The following ASAP1 variants were observed in gnomAD, a reference collection of about 807,000 sequenced individuals.
ASAP1 encodes ArfGAP with SH3 domain, ankyrin repeat and PH domain 1.
A neutral mutation model predicts 145.2 loss-of-function variants in ASAP1; 43 were observed. The ratio of observed to expected loss-of-function variants is 0.30; its 90% confidence interval spans 0.23 to 0.38. ASAP1 has a LOEUF of 0.38. Among genes scored for constraint, ASAP1 ranks in the 10% least tolerant of loss-of-function variants. The pLI, the probability that ASAP1 is intolerant of heterozygous loss-of-function variation, is 1.00. For missense variants in ASAP1, 1,018 were observed against 1,355.3 expected (o/e 0.75, Z 3.91); for synonymous variants, 546 against 515.5 (o/e 1.06, Z -0.80).
intron 11 of ASAP1, among the ~76,000 whole-genome samples, chr8:130,160,261 G>GT (rs1273556563): frequency 6.6e-6 from 1 of 152,182 alleles, no homozygotes; most frequent in African/African-American, 2.4e-5. Context: ...ACAGACTACT[G>GT]TAAGACTGAA....
In ASAP1 at chr8:130,060,843, T is replaced by C. The variant is rs1300763843; in HGVS notation, c.2928A>G (p.Gln976=). ...PQLGDLPPKP[Q]LSDLPPKPQM... is the part of the protein sequence containing the mutation. ...GTGGTTTGGGAGGTAAGTCTGAGAGTTGGGGTTTGGGTGGCAGGTCCCCCA... is the reference window on the plus strand; with the variant it reads ...GTGGTTTGGGAGGTAAGTCTGAGAGCTGGGGTTTGGGTGGCAGGTCCCCCA... Residue 976 remains glutamine (Q), a synonymous_variant, in exon 28 of 30, where the codon CAA becomes CAG. Coordinates refer to ENST00000518721, the MANE Select transcript of ASAP1 (RefSeq NM_018482.4). The C allele has an allele frequency of 1.2e-6, 2 of 1,612,324 alleles. No homozygotes were observed. The highest frequency in any genetic ancestry group is 2.2e-5 in the East Asian group (1 of 44,782).
intron 3 of ASAP1, among the ~76,000 whole-genome samples, chr8:130,334,485 G>A (rs181152722): frequency 1.3e-5 from 2 of 152,300 alleles, no homozygotes; most frequent in East Asian, 3.9e-4. Flanking sequence ...ACCACAGGAT[G>A]AGTAACCAAA....
chr8:130,256,752 T>TATCC (rs1554860174), intron 3 of ASAP1, among the ~76,000 whole-genome samples: 1 of 41,890 alleles, frequency 2.4e-5, no homozygotes, highest in Non-Finnish European at 5.0e-5. Context: ...TATATATATA[T>TATCC]ATATATATAT....
intron 11 of ASAP1, among the ~76,000 whole-genome samples, chr8:130,167,272 G>A (rs2097681831): frequency 5.3e-5 from 8 of 151,548 alleles, no homozygotes; most frequent in Admixed American, 5.3e-4. Context: ...CTCTAGCCTG[G>A]GTGACAGAGT....
At chr8:130,101,732 A>ATTGTTTTTTTTTTTTTTTTTTTTTT (rs2097529096) in intron 24 of ASAP1, among the ~76,000 whole-genome samples, 1 of 86,968 alleles carries the variant, frequency 1.1e-5, no homozygotes, top group African/African-American at 5.5e-5. Flanking sequence ...CACCTGGTTA[A>ATTGTTTTTTTTTTTTTTTTTTTTTT]TTTTTTTTTT....
intron 13 of ASAP1, among the ~76,000 whole-genome samples, chr8:130,146,774 A>G (rs2097631938): frequency 6.6e-6 from 1 of 152,202 alleles, no homozygotes; most frequent in Admixed American, 6.5e-5. Flanking sequence ...AAGGAAAGGG[A>G]GAAGAGACAC....
intron 25 of ASAP1, among the ~76,000 whole-genome samples, chr8:130,086,187 C>T (rs1042280056): frequency 6.6e-6 from 1 of 152,182 alleles, no homozygotes; most frequent in East Asian, 1.9e-4. Context: ...CAGAGTGGTG[C>T]GTGGAGAGGG....
chr8:130,127,049 G>A (rs902194760), intron 16 of ASAP1, among the ~76,000 whole-genome samples: 5 of 152,122 alleles, frequency 3.3e-5, no homozygotes, highest in Admixed American at 6.6e-5. Context: ...TCAGTACAGC[G>A]GGAACACTCA....
intron 15 of ASAP1, among the ~76,000 whole-genome samples, chr8:130,129,265 C>T (rs912779943): frequency 6.6e-6 from 1 of 152,158 alleles, no homozygotes; most frequent in East Asian, 1.9e-4. Flanking sequence ...TTCCTTATAG[C>T]AGTGTGAGAA....
intron 3 of ASAP1, among the ~76,000 whole-genome samples, chr8:130,311,218 G>T (rs1020826897): frequency 6.6e-6 from 1 of 152,130 alleles, no homozygotes; most frequent in African/African-American, 2.4e-5. Context: ...TGGAATCATG[G>T]GTCATTTTAA....
chr8:130,358,809 AC>A lies in ASAP1; in HGVS notation c.60-667del, dbSNP rs887374771. 4.7e-5 allele frequency among the ~76,000 whole-genome samples: 7 copies of A among 147,548 alleles called. No homozygotes were observed. The highest frequency in any genetic ancestry group is 1.8e-4 in the African/African-American group (7 of 39,698). On this transcript the variant is annotated intron_variant, in intron 2 of 29. Coordinates refer to ENST00000518721, the MANE Select transcript of ASAP1 (RefSeq NM_018482.4). The surrounding 1 kb of genome is among the most constrained non-coding windows in gnomAD (Gnocchi z 4.1). ...CCTGGCTCCGAAGCTGCCGCTCCCG[AC>A]CCCGGCTGCGCGGCACGGGGGCTCC...
At chr8:130,099,577 T>G (rs1037555959) in intron 24 of ASAP1, among the ~76,000 whole-genome samples, 4 of 152,098 alleles carry the variant, frequency 2.6e-5, no homozygotes, top group Non-Finnish European at 5.9e-5. Context: ...AGCTCCCACA[T>G]GAGTGAGAAC....
At chr8:130,072,824 T>TGTGTGCACGCGCGCGC in intron 27 of ASAP1, among the ~76,000 whole-genome samples, 2 of 32,276 alleles carry the variant, frequency 6.2e-5, no homozygotes, top group South Asian at 1.7e-3. Flanking sequence ...TGTGTGTGTG[T>TGTGTGCACGCGCGCGC]GCGCGCGGGG....
intron 3 of ASAP1, among the ~76,000 whole-genome samples, chr8:130,308,980 C>T (rs562137091): frequency 6.6e-6 from 1 of 152,114 alleles, no homozygotes; most frequent in Non-Finnish European, 1.5e-5. Flanking sequence ...GAAAGGGAGC[C>T]AGTTGGTATT....
intron 5 of ASAP1, among the ~76,000 whole-genome samples, chr8:130,207,278 T>G (rs1176309370): frequency 6.6e-6 from 1 of 152,178 alleles, no homozygotes; most frequent in African/African-American, 2.4e-5. Flanking sequence ...GAAGGCATCT[T>G]TAATGAGAGG....
chr8:130,308,685 GACATAAA>G (rs1211065498), intron 3 of ASAP1, among the ~76,000 whole-genome samples: 1 of 152,094 alleles, frequency 6.6e-6, no homozygotes, highest in Non-Finnish European at 1.5e-5. Flanking sequence ...ATTTTTGACA[GACATAAA>G]ACATAATTTC....
rs1172855070 is a variant in ASAP1, at chr8:130,443,580, G to T, written c.-148C>A. The stretch of plus-strand genomic sequence containing the variant: ...CGGCTGGGCGGGAGGCGCGGGCCCG[G>T]GGCTGCCCAGCGCACAGTGCTCGCC... On this transcript the variant is annotated 5_prime_UTR_variant, in exon 1 of 30. Coordinates refer to ENST00000518721, the MANE Select transcript of ASAP1 (RefSeq NM_018482.4). The T allele has an allele frequency of 1.3e-5, 2 of 150,918 alleles. No individual in the cohort carries two copies. Among genetic ancestry groups the T allele is most frequent in the African/African-American group, 4.8e-5 (2 of 41,284 alleles). 9.3% of individuals were successfully genotyped at this position (150,918 alleles called of 1,614,324 possible).
chr8:130,162,817 CAA>C (rs202186430), intron 11 of ASAP1, among the ~76,000 whole-genome samples: 4 of 123,276 alleles, frequency 3.2e-5, no homozygotes, highest in South Asian at 2.5e-4. Context: ...GACTCCGTCT[CAA>C]AAAAAAAAAA....
chr8:130,172,933 T>C (rs1586510588), intron 9 of ASAP1, among the ~76,000 whole-genome samples: 3 of 152,358 alleles, frequency 2.0e-5, no homozygotes, highest in Middle Eastern at 6.8e-3. Flanking sequence ...AATGTAATAA[T>C]TGCTTTAATC....
Sources: allele counts gnomAD v4.1 joint callset (sites outside exome capture counted in the v4.1 genomes callset), GRCh38; gene constraint gnomAD v4.1.1; non-coding constraint Gnocchi (gnomAD v3.1); transcripts MANE v1.5; gene names NCBI Gene and HGNC (gene_info 2026-07-23, HGNC 2026-07-21).